SOCS6: variants seen among roughly 807,000 people sequenced by gnomAD.
The protein encoded by SOCS6 is STAT induced STAT inhibitor-4.
SOCS6 carries 5 observed loss-of-function variants against 27.7 expected under a neutral mutation model. The observed-to-expected ratio is 0.18, with a 90% CI of 0.09 to 0.38. The LOEUF (loss-of-function observed/expected upper bound fraction) is 0.38, where lower values mean the gene tolerates loss of function less well. Among genes scored for constraint, SOCS6 ranks in the 10% least tolerant of loss-of-function variants. The pLI is 1.00. For synonymous variants in SOCS6, 271 were observed against 260.0 expected (o/e 1.04, Z -0.41); for missense variants, 595 against 688.1 (o/e 0.86, Z 1.51).
intron 1 of SOCS6, among the ~76,000 whole-genome samples, chr18:70,298,506 A>G (rs1226134781): frequency 1.3e-5 from 2 of 152,224 alleles, no homozygotes; most frequent in African/African-American, 2.4e-5. Context: ...TATTATATAT[A>G]TATCAGAAAG....
At chr18:70,316,259 T>G (rs1419961555) in intron 1 of SOCS6, among the ~76,000 whole-genome samples, 3 of 152,286 alleles carry the variant, frequency 2.0e-5, no homozygotes, top group African/African-American at 7.2e-5. Flanking sequence ...AATTTTTTTT[T>G]GTTTGTCCTA....
In SOCS6 at chr18:70,318,080, G is replaced by A. The variant is rs189056045; in HGVS notation, c.-126-6463G>A. 1.7e-3 allele frequency among the ~76,000 whole-genome samples: 257 copies of A among 152,138 alleles called. 9 individuals are homozygous for A. Among genetic ancestry groups the A allele is most frequent in the Admixed American group, 0.015 (235 of 15,274 alleles). ...ATGTTGGCCGGACTGGCCCTCGAAC[G>A]CCTGACCTCAAGTGATCCACCTGCC... On this transcript the variant is annotated intron_variant, in intron 1 of 1. Transcript: ENST00000397942.
chr18:70,318,428 A>G (rs1910849668), intron 1 of SOCS6, among the ~76,000 whole-genome samples: 1 of 152,180 alleles, frequency 6.6e-6, no homozygotes, highest in Non-Finnish European at 1.5e-5. Flanking sequence ...CATGACCACT[A>G]CTGAAAACAT....
chr18:70,289,604 G>T (rs1242592205), intron 1 of SOCS6, among the ~76,000 whole-genome samples: 1 of 147,458 alleles, frequency 6.8e-6, no homozygotes, highest in South Asian at 2.1e-4. Flanking sequence ...TCGGGCTCGG[G>T]CTCGGGGTCG....
At chr18:70,298,905 A>T (rs948983692) in intron 1 of SOCS6, among the ~76,000 whole-genome samples, 3 of 152,152 alleles carry the variant, frequency 2.0e-5, no homozygotes, top group African/African-American at 7.2e-5. Context: ...TGGGCGGATC[A>T]CTTGAGGTCA....
In SOCS6 at chr18:70,325,379, A is replaced by T. The variant is rs1911162095; in HGVS notation, c.711A>T (p.Ser237=). Residue 237 remains serine, a synonymous_variant, in exon 2 of 2, where the codon TCA becomes TCT. Transcript: ENST00000397942. This position sits in a 1 kb window ranked among gnomAD's most constrained non-coding sequence, Gnocchi z 6.3. ...LDEGMYPLEG[S]RSYCLDSSSP... ...AGGGGATGTATCCTTTGGAAGGATC[A>T]CGGAGCTATTGTCTGGACAGCTCTT... 6.2e-7 allele frequency: 1 copy of T among 1,614,216 alleles called. No homozygotes were observed. The highest frequency in any genetic ancestry group is 2.2e-5 in the East Asian group (1 of 44,886).
chr18:70,329,131 T>G lies in SOCS6; in HGVS notation c.*2855T>G, dbSNP rs112600097. Reference sequence around the variant, plus strand: ...TAACACTATTATGCATTTTTATAAATAAGAAGAAGGCTGTAGAAAGTACTT... The same window carrying G: ...TAACACTATTATGCATTTTTATAAAGAAGAAGAAGGCTGTAGAAAGTACTT... On this transcript the variant is annotated 3_prime_UTR_variant, in exon 2 of 2. Transcript: ENST00000397942. 9 of 167,206 alleles carry G rather than the reference T, an allele frequency of 5.4e-5. 1 individual carries two copies. The highest frequency in any genetic ancestry group is 2.2e-4 in the African/African-American group (9 of 41,576). The allele number at this position is 167,206 out of a possible 1,614,324, so 10.4% of individuals were successfully genotyped here.
At chr18:70,304,771 A>T (rs940425425) in intron 1 of SOCS6, among the ~76,000 whole-genome samples, 18 of 152,180 alleles carry the variant, frequency 1.2e-4, no homozygotes, top group Non-Finnish European at 2.5e-4. Flanking sequence ...TTGTTTTGAA[A>T]CACAAACACT....
chr18:70,324,583 A>G lies in SOCS6; in HGVS notation c.-86A>G, dbSNP rs1245618903. 1.8e-5 allele frequency: 16 copies of G among 878,382 alleles called. No individual in the cohort carries two copies. The highest frequency in any genetic ancestry group is 2.8e-5 in the Non-Finnish European group (16 of 570,156). The allele number at this position is 878,382 out of a possible 1,614,324, so 54.4% of individuals were successfully genotyped here. A position where few individuals can be genotyped will look rare whatever the true frequency, so the allele number is the denominator to read the frequency against. The stretch of plus-strand genomic sequence containing the variant: ...GTTAAATGAAGCAGGAAAAATACAT[A>G]GATGCAGCCTTGCAGCCTCTCCAGA... On this transcript the variant is annotated 5_prime_UTR_variant, in exon 2 of 2. The change creates a new upstream start codon in the 5' untranslated region. Transcript: ENST00000397942.
At chr18:70,311,089 C>G (rs1241750067) in intron 1 of SOCS6, among the ~76,000 whole-genome samples, 1 of 152,146 alleles carries the variant, frequency 6.6e-6, no homozygotes, top group Non-Finnish European at 1.5e-5. Context: ...TCCCTCATTC[C>G]TCCTGGTCTG....
Position 70,325,201 on chromosome 18 carries a change from T to C in SOCS6, c.533T>C (p.Leu178Pro). ...LNGVRKDFHD[L>P]QSETTCQEQA... ...GGCGTCCGGAAGGATTTCCACGACC[T>C]CCAGTCTGAGACCACGTGCCAGGAG... The change falls in exon 2 of 2, where the codon CTC (leucine) becomes CCC (proline). Residue 178 changes from leucine (L) to proline (P), a missense_variant. Coordinates refer to ENST00000397942, the MANE Select transcript of SOCS6 (RefSeq NM_004232.4). This position sits in a 1 kb window ranked among gnomAD's most constrained non-coding sequence, Gnocchi z 6.3. The C allele has an allele frequency of 6.2e-7, 1 of 1,614,062 alleles. No homozygotes were observed. The highest frequency in any genetic ancestry group is 8.5e-7 in the Non-Finnish European group (1 of 1,179,982).
At chr18:70,308,203 G>A (rs932555116) in intron 1 of SOCS6, among the ~76,000 whole-genome samples, 6 of 152,014 alleles carry the variant, frequency 3.9e-5, no homozygotes, top group African/African-American at 1.5e-4. Flanking sequence ...TATAATTATA[G>A]TATCAGTCTT....
At chr18:70,316,145 C>T (rs1162812123) in intron 1 of SOCS6, among the ~76,000 whole-genome samples, 4 of 152,122 alleles carry the variant, frequency 2.6e-5, no homozygotes, top group African/African-American at 7.2e-5. Flanking sequence ...CCACCTCGCC[C>T]GGCTGATATG....
rs949211903 is a variant in SOCS6, at chr18:70,329,727, T to C, written c.*3451T>C. 3.0e-5 allele frequency: 5 copies of C among 167,106 alleles called. No individual in the cohort carries two copies. The highest frequency in any genetic ancestry group is 4.8e-5 in the African/African-American group (2 of 41,482). 10.4% of individuals were successfully genotyped at this position (167,106 alleles called of 1,614,324 possible). On this transcript the variant is annotated 3_prime_UTR_variant, in exon 2 of 2. Transcript: ENST00000397942. ...TAAAATTCTAAAAGTGTTGGTACAC[T>C]AGCAATCACAAATATGGTTTCTTTT...
Position 70,295,668 on chromosome 18 carries a change from A to G in SOCS6, c.-127+6578A>G, listed in dbSNP as rs536534082. On this transcript the variant is annotated intron_variant, in intron 1 of 1. Coordinates refer to ENST00000397942, the MANE Select transcript of SOCS6 (RefSeq NM_004232.4). ...ACAGACTGGCAGAAAATGTAAGCAA[A>G]TACCAGTGCAGAGAATTTCAGTAGG... is the stretch of plus-strand genomic sequence containing the variant. Among the ~76,000 whole-genome samples, 8 of 152,368 alleles carry G rather than the reference A, an allele frequency of 5.3e-5. No homozygotes were observed. In the South Asian group the frequency reaches 1.7e-3, roughly 32 times the overall value.
chr18:70,324,302 A>AAATAATAAT (rs560395562), intron 1 of SOCS6, among the ~76,000 whole-genome samples: 53 of 150,288 alleles, frequency 3.5e-4, no homozygotes, highest in Middle Eastern at 3.5e-3. Flanking sequence ...ACTCATCTCA[A>AAATAATAAT]AATAATAATA....
intron 1 of SOCS6, among the ~76,000 whole-genome samples, chr18:70,297,857 A>G (rs4891841): frequency 0.3 from 45,830 of 151,994 alleles, 7,865 homozygotes; most frequent in East Asian, 0.73. Flanking sequence ...GCTATTTAAA[A>G]CTCCATTCTT....
intron 1 of SOCS6, among the ~76,000 whole-genome samples, chr18:70,309,805 TC>T (rs2062383184): frequency 6.6e-6 from 1 of 152,120 alleles, no homozygotes; most frequent in Non-Finnish European, 1.5e-5. Flanking sequence ...TACCTTGGCC[TC>T]CCGATTAGCT....
At chr18:70,309,993 T>C (rs1203022531) in intron 1 of SOCS6, among the ~76,000 whole-genome samples, 1 of 152,238 alleles carries the variant, frequency 6.6e-6, no homozygotes, top group East Asian at 1.9e-4. Flanking sequence ...GCCTGTGCTA[T>C]TATTTACATA....
Sources: gnomAD v4.1 joint callset for allele counts (sites outside exome capture counted in the v4.1 genomes callset) on GRCh38, gnomAD v4.1.1 for gene constraint, Gnocchi (gnomAD v3.1) non-coding constraint, MANE v1.5 for transcripts, NCBI Gene and HGNC (gene_info 2026-07-23, HGNC 2026-07-21) for gene names.